NUP93: variants seen among roughly 807,000 people sequenced by gnomAD.
NUP93 encodes the protein nucleoporin 93.
NUP93 carries 55 observed loss-of-function variants against 107.8 expected under a neutral mutation model. The ratio of observed to expected loss-of-function variants is 0.51; its 90% CI spans 0.41 to 0.64. NUP93 has a LOEUF of 0.64. Among genes scored for constraint, NUP93 ranks in the 30% least tolerant of loss-of-function variants. The pLI is 0.00. For synonymous variants in NUP93, 390 were observed against 397.5 expected (o/e 0.98, Z 0.22); for missense variants, 937 against 1,044.7 (o/e 0.90, Z 1.42).
At chr16:56,814,725 A>T (rs1444553995) in intron 5 of NUP93, among the ~76,000 whole-genome samples, 1 of 151,428 alleles carries the variant, frequency 6.6e-6, no homozygotes, top group African/African-American at 2.4e-5. Context: ...CTGTCTCCAG[A>T]CTCCTGGGTG....
rs776714714 is a variant in NUP93, at chr16:56,833,201, C to T, written c.1346-14C>T. 3 of 1,590,118 alleles carry T rather than the reference C, an allele frequency of 1.9e-6. No homozygotes were observed. In the Admixed American group the frequency reaches 5.4e-5, roughly 29 times the overall value. On this transcript the variant is annotated splice_polypyrimidine_tract_variant and intron_variant, in intron 12 of 21. Coordinates refer to ENST00000308159, the MANE Select transcript of NUP93 (RefSeq NM_014669.5). ...CTAAGTTGGTTTTATCTCCTCTCCT[C>T]TCCTCTCTCCCAGGCGAGTCCCACT...
At chr16:56,816,179 C>A (rs1348493945) in intron 5 of NUP93, among the ~76,000 whole-genome samples, 2 of 152,180 alleles carry the variant, frequency 1.3e-5, no homozygotes, top group African/African-American at 4.8e-5. Flanking sequence ...AATAAAAGTA[C>A]CTACTTCATA....
chr16:56,759,839 T>G (rs1264827402), intron 3 of NUP93, among the ~76,000 whole-genome samples: 2 of 152,314 alleles, frequency 1.3e-5, no homozygotes, highest in Admixed American at 1.3e-4. Context: ...AAAGGGTTTT[T>G]GTTCGTTTTT....
chr16:56,813,116 T>C (rs1388463698), intron 5 of NUP93, among the ~76,000 whole-genome samples: 1 of 152,220 alleles, frequency 6.6e-6, no homozygotes, highest in East Asian at 1.9e-4. Flanking sequence ...TATGGCTTAA[T>C]AAGTATAGAT....
At chr16:56,751,681 A>G (rs1165569152) in intron 2 of NUP93, among the ~76,000 whole-genome samples, 2 of 152,222 alleles carry the variant, frequency 1.3e-5, no homozygotes, top group African/African-American at 4.8e-5. Flanking sequence ...CAATATTTTC[A>G]GTGAGTGACA....
chr16:56,734,024 C>T (rs1299328497), intron 1 of NUP93, among the ~76,000 whole-genome samples: 1 of 152,182 alleles, frequency 6.6e-6, no homozygotes, highest in Non-Finnish European at 1.5e-5. Context: ...GCATTAGGTG[C>T]TGTTGTTCAG....
chr16:56,833,470 G>T, intron 13 of NUP93, 64 bp downstream of exon 13: 1 of 1,355,242 alleles, frequency 7.4e-7, no homozygotes. Flanking sequence ...GGGCGACGGT[G>T]GCCACAAAAC....
At chr16:56,803,606 G>C (rs1343968725) in intron 4 of NUP93, among the ~76,000 whole-genome samples, 1 of 151,804 alleles carries the variant, frequency 6.6e-6, no homozygotes. Context: ...TCTAATTTCA[G>C]AGCTTTTATA....
chr16:56,840,463 C>T (rs1371222129), intron 20 of NUP93, among the ~76,000 whole-genome samples: 1 of 152,218 alleles, frequency 6.6e-6, no homozygotes, highest in Admixed American at 6.5e-5. Context: ...ACTGGCATCT[C>T]TAGAAAAGTT....
chr16:56,771,517 T>C (rs1412965985), intron 3 of NUP93, among the ~76,000 whole-genome samples: 1 of 152,196 alleles, frequency 6.6e-6, no homozygotes, highest in Non-Finnish European at 1.5e-5. Flanking sequence ...TTCTTAATGT[T>C]TTGTCCCTGC....
chr16:56,775,707 T>C (rs1483864412), intron 3 of NUP93, among the ~76,000 whole-genome samples: 1 of 152,096 alleles, frequency 6.6e-6, no homozygotes. Context: ...CAGCCTGTTT[T>C]TCCCAAAAAA....
intron 5 of NUP93, among the ~76,000 whole-genome samples, chr16:56,818,064 T>C (rs1026107683): frequency 6.6e-6 from 1 of 152,212 alleles, no homozygotes; most frequent in East Asian, 1.9e-4. Flanking sequence ...GTTTTTGTTC[T>C]TAGGGAGATG....
chr16:56,731,768 G>C (rs539815602), intron 1 of NUP93, among the ~76,000 whole-genome samples: 17 of 152,176 alleles, frequency 1.1e-4, no homozygotes, highest in Admixed American at 9.8e-4. Context: ...ACCACCTCTG[G>C]TTTGGATTAT....
intron 4 of NUP93, among the ~76,000 whole-genome samples, chr16:56,802,652 A>G (rs760987867): frequency 6.6e-6 from 1 of 152,172 alleles, no homozygotes; most frequent in Admixed American, 6.5e-5. Flanking sequence ...GAAACAAAAC[A>G]TCCCAATTGT....
At chr16:56,775,076 T>G (rs1962391968) in intron 3 of NUP93, among the ~76,000 whole-genome samples, 1 of 152,066 alleles carries the variant, frequency 6.6e-6, no homozygotes, top group East Asian at 1.9e-4. Flanking sequence ...ATTTTTTGTA[T>G]TTTTGTTAGA....
intron 1 of NUP93, among the ~76,000 whole-genome samples, chr16:56,730,690 C>T (rs1961520103): frequency 6.6e-6 from 1 of 152,202 alleles, no homozygotes; most frequent in African/African-American, 2.4e-5. Flanking sequence ...TATCCCAACC[C>T]TTGGCTTACC....
At chr16:56,748,551 T>C in intron 2 of NUP93, 125 bp downstream of exon 2, 1 of 811,544 alleles carries the variant, frequency 1.2e-6, no homozygotes, top group Non-Finnish European at 1.9e-6. Context: ...TCTTGGGAAC[T>C]CAGAAAGTGT....
chr16:56,733,481 T>G (rs1379374580), intron 1 of NUP93, among the ~76,000 whole-genome samples: 1 of 152,070 alleles, frequency 6.6e-6, no homozygotes, highest in Non-Finnish European at 1.5e-5. Context: ...TGGGGTGACT[T>G]GAAGGTGGTT....
chr16:56,801,278 CAG>C (rs1567394721), intron 4 of NUP93, among the ~76,000 whole-genome samples: 1 of 152,138 alleles, frequency 6.6e-6, no homozygotes, highest in Non-Finnish European at 1.5e-5. Flanking sequence ...TGGATATAAA[CAG>C]AATAGATTGG....
Sources: gnomAD v4.1 joint callset for allele counts (sites outside exome capture counted in the v4.1 genomes callset) on GRCh38, gnomAD v4.1.1 for gene constraint, MANE v1.5 for transcripts, NCBI Gene and HGNC (gene_info 2026-07-23, HGNC 2026-07-21) for gene names.